Variants in NPAS3 observed in about 807,000 individuals in gnomAD.
NPAS3 encodes neuronal PAS domain protein 3, also known as neuronal PAS domain-containing protein 3.
In NPAS3, 14 loss-of-function variants were observed where a neutral mutation model predicts 73.1. That is an observed-to-expected ratio of 0.19 (90% confidence interval 0.13 to 0.30). The LOEUF is 0.30. Ranked by LOEUF, NPAS3 falls within the 10% of genes least tolerant of loss-of-function variation. The pLI is 1.00. For missense variants in NPAS3, 1,096 were observed against 1,250.0 expected (o/e 0.88, Z 1.86); for synonymous variants, 620 against 541.5 (o/e 1.14, Z -2.01).
intron 5 of NPAS3, among the ~76,000 whole-genome samples, chr14:33,643,777 A>G (rs558016954): frequency 1.1e-3 from 160 of 152,288 alleles, no homozygotes; most frequent in African/African-American, 3.6e-3. Flanking sequence ...TGTCCTTCCA[A>G]GTTAATTGTT....
intron 2 of NPAS3, among the ~76,000 whole-genome samples, chr14:33,134,697 G>A (rs1209599588): frequency 6.6e-6 from 1 of 152,164 alleles, no homozygotes; most frequent in African/African-American, 2.4e-5. Flanking sequence ...ATGGACCCAT[G>A]AAGCTTTGTT....
At chr14:33,680,910 A>G in intron 6 of NPAS3, 1 of 479,182 alleles carries the variant, frequency 2.1e-6, no homozygotes, top group Non-Finnish European at 3.7e-6. Flanking sequence ...GTTTTGTGGC[A>G]TTAGGATCAT....
At chr14:32,971,397 T>C (rs183560350) in intron 1 of NPAS3, among the ~76,000 whole-genome samples, 13 of 152,274 alleles carry the variant, frequency 8.5e-5, no homozygotes, top group African/African-American at 3.1e-4. Flanking sequence ...TGTTTTTCTT[T>C]ATAGTCTTAC....
intron 3 of NPAS3, among the ~76,000 whole-genome samples, chr14:33,310,926 C>A (rs764545589): frequency 2.0e-5 from 3 of 152,020 alleles, no homozygotes; most frequent in Admixed American, 6.6e-5. Flanking sequence ...GATCACTGTG[C>A]ACTTTTAGTT....
intron 10 of NPAS3, among the ~76,000 whole-genome samples, chr14:33,796,585 G>A (rs141633236): frequency 7.6e-4 from 116 of 152,166 alleles, no homozygotes; most frequent in African/African-American, 2.7e-3. Context: ...TGGAAAAATC[G>A]AAGAGGCATT....
At chr14:33,062,521 C>T (rs551155406) in intron 2 of NPAS3, among the ~76,000 whole-genome samples, 4 of 152,032 alleles carry the variant, frequency 2.6e-5, no homozygotes, top group Non-Finnish European at 4.4e-5. Flanking sequence ...AATGGATAGG[C>T]GCAGGCAGCA....
chr14:33,744,126 C>A (rs923024399), intron 7 of NPAS3, among the ~76,000 whole-genome samples: 11 of 152,178 alleles, frequency 7.2e-5, no homozygotes, highest in African/African-American at 2.7e-4. Context: ...CACTGGTTGG[C>A]TAACTGGCAC....
chr14:33,198,096 A>G (rs896858760), intron 2 of NPAS3, among the ~76,000 whole-genome samples: 1 of 151,776 alleles, frequency 6.6e-6, no homozygotes, highest in African/African-American at 2.4e-5. Flanking sequence ...CATTCCTCCC[A>G]GTGGGGGGTT....
At chr14:33,357,573 C>T (rs564062930) in intron 3 of NPAS3, among the ~76,000 whole-genome samples, 98 of 152,296 alleles carry the variant, frequency 6.4e-4, no homozygotes, top group African/African-American at 1.5e-3. Context: ...ATCTTTGGAC[C>T]GGCCTCTGCT....
chr14:33,508,143 G>A (rs2052863299), intron 4 of NPAS3, among the ~76,000 whole-genome samples: 1 of 152,044 alleles, frequency 6.6e-6, no homozygotes. Flanking sequence ...AGGTTTCCAT[G>A]TTTCCTATGT....
At chr14:33,010,551 ATTGATAT>A (rs1387838207) in intron 1 of NPAS3, among the ~76,000 whole-genome samples, 1 of 152,244 alleles carries the variant, frequency 6.6e-6, no homozygotes, top group Non-Finnish European at 1.5e-5. Context: ...CCATAGGCTA[ATTGATAT>A]AAAATTGGCA....
At chr14:33,623,551 C>T (rs936835241) in intron 5 of NPAS3, among the ~76,000 whole-genome samples, 18 of 152,194 alleles carry the variant, frequency 1.2e-4, no homozygotes, top group African/African-American at 4.3e-4. Flanking sequence ...GGTGCCTCTG[C>T]TTTCTCTCTT....
At chr14:33,099,346 C>A (rs1204590443) in intron 2 of NPAS3, among the ~76,000 whole-genome samples, 1 of 152,148 alleles carries the variant, frequency 6.6e-6, no homozygotes, top group Non-Finnish European at 1.5e-5. Context: ...ACCATCTTTG[C>A]GTATTCATAC....
At position 33,708,119 on chromosome 14, in the gene NPAS3, A is replaced by G. The variant is rs2060711079; in HGVS notation, c.734-27095A>G. ...AGCAGCTGGCCACCACCAGCACCTC[A>G]CCGTGTTCATGGCTGCAGCAGCTGC... On this transcript the variant is annotated intron_variant, in intron 6 of 11. Coordinates refer to ENST00000356141, the Ensembl canonical transcript of NPAS3. Among the ~76,000 whole-genome samples the G allele has an allele frequency of 2.6e-5, 4 of 151,830 alleles. No homozygotes were observed. In the South Asian group the frequency reaches 6.2e-4, roughly 24 times the overall value.
intron 4 of NPAS3, among the ~76,000 whole-genome samples, chr14:33,409,169 A>C (rs1283971508): frequency 6.6e-6 from 1 of 152,152 alleles, no homozygotes; most frequent in Admixed American, 6.6e-5. Flanking sequence ...TTTAAAAAGT[A>C]TAGCAACTTG....
At chr14:33,197,989 C>G (rs1197011650) in intron 2 of NPAS3, among the ~76,000 whole-genome samples, 1 of 152,178 alleles carries the variant, frequency 6.6e-6, no homozygotes, top group East Asian at 1.9e-4. Context: ...CATGGTCTCA[C>G]TGGCTTCAGG....
Position 33,678,699 on chromosome 14 carries a change from A to G in NPAS3, c.733+2314A>G, listed in dbSNP as rs868047466. Among the ~76,000 whole-genome samples, 9 of 151,532 alleles carry G rather than the reference A, an allele frequency of 5.9e-5. No individual in the cohort carries two copies. In the East Asian group the frequency reaches 9.8e-4, roughly 16 times the overall value. ...TCTTGGAAGCTAGATCATCCTGTCA[A>G]TTCATACTGAGTTTGATGTCTCCCC... On this transcript the variant is annotated intron_variant, in intron 6 of 11. Transcript: ENST00000356141.
chr14:33,389,810 G>C (rs1387544077), intron 4 of NPAS3, among the ~76,000 whole-genome samples: 1 of 152,016 alleles, frequency 6.6e-6, no homozygotes, highest in Non-Finnish European at 1.5e-5. Flanking sequence ...AATTATTTTT[G>C]AATGAGGAAT....
At chr14:33,130,325 T>C (rs2043589120) in intron 2 of NPAS3, among the ~76,000 whole-genome samples, 1 of 152,188 alleles carries the variant, frequency 6.6e-6, no homozygotes, top group Non-Finnish European at 1.5e-5. Context: ...TCAGCAGTAA[T>C]GGAACTATCC....
Sources: allele counts gnomAD v4.1 joint callset (sites outside exome capture counted in the v4.1 genomes callset), GRCh38; gene constraint gnomAD v4.1.1; transcripts MANE v1.5; gene names NCBI Gene and HGNC (gene_info 2026-07-23, HGNC 2026-07-21).